The following AGBL1 variants were observed in gnomAD, a reference collection of about 807,000 sequenced individuals.
The protein encoded by AGBL1 is cytosolic carboxypeptidase 4.
Under a neutral mutation model 118.9 loss-of-function variants are expected in AGBL1, and 130 were observed. The ratio of observed to expected loss-of-function variants is 1.09; its 90% confidence interval spans 0.95 to 1.26. The LOEUF is 1.26. AGBL1 is among the 50% of genes most tolerant of loss of function. The pLI is 0.00. For synonymous variants in AGBL1, 555 were observed against 478.9 expected, an observed-to-expected ratio of 1.16 and a Z score of -2.08; for missense variants, 1,584 against 1,298.1, an observed-to-expected ratio of 1.22 and a Z score of -3.38.
chr15:86,277,926 A>T (rs1193265565), intron 15 of AGBL1, among the ~76,000 whole-genome samples: 1 of 152,202 alleles, frequency 6.6e-6, no homozygotes, highest in Admixed American at 6.5e-5. Context: ...ATTTTATTTC[A>T]ACTGCTGTTT....
intron 22 of AGBL1, among the ~76,000 whole-genome samples, chr15:86,747,618 T>A (rs189274637): frequency 1.6e-3 from 248 of 152,222 alleles, no homozygotes; most frequent in African/African-American, 5.4e-3. Flanking sequence ...CCTAATGCTT[T>A]CCCTCCCTCC....
chr15:86,331,057 C>T (rs769283583), intron 17 of AGBL1, among the ~76,000 whole-genome samples: 3 of 151,950 alleles, frequency 2.0e-5, no homozygotes, highest in Non-Finnish European at 2.9e-5. Context: ...AACCCTGTCT[C>T]TAGTAAAAAT....
At chr15:86,999,107 T>C (rs2081408328) in intron 24 of AGBL1, among the ~76,000 whole-genome samples, 1 of 151,050 alleles carries the variant, frequency 6.6e-6, no homozygotes, top group South Asian at 2.1e-4. Context: ...CATGCAGTGT[T>C]TGTTTTTTCG....
rs67883935 is a variant in AGBL1 at position 86,410,841 on chromosome 15, T to TATATAA, written c.2555+13296_2555+13297insTATAAA. 8.4e-3 allele frequency among the ~76,000 whole-genome samples: 540 copies of TATATAA among 64,462 alleles called. 23 individuals carry two copies. The highest frequency in any genetic ancestry group is 0.034 in the African/African-American group (515 of 14,964). 42.3% of individuals were successfully genotyped at this position (64,462 alleles called of 152,430 possible). A position where few individuals can be genotyped will look rare whatever the true frequency, so the allele number is the denominator to read the frequency against. On this transcript the variant is annotated intron_variant, in intron 18 of 22. Transcript: ENST00000614907. ...ATATATATATATATATATATATATA[T>TATATAA]AATATACTATTTTATATATAAAATA...
intron 5 of AGBL1, among the ~76,000 whole-genome samples, chr15:86,167,271 A>C (rs552933604): frequency 1.1e-4 from 16 of 150,650 alleles, no homozygotes; most frequent in African/African-American, 3.4e-4. Flanking sequence ...TTTGAGATCA[A>C]GTCTCACTCC....
At chr15:86,430,042 C>G (rs973099592) in intron 18 of AGBL1, among the ~76,000 whole-genome samples, 1 of 152,108 alleles carries the variant, frequency 6.6e-6, no homozygotes, top group African/African-American at 2.4e-5. Context: ...CTTTGAATTT[C>G]GAAGACATTG....
intron 6 of AGBL1, among the ~76,000 whole-genome samples, chr15:86,228,166 C>T (rs989274536): frequency 1.3e-5 from 2 of 152,140 alleles, no homozygotes; most frequent in Non-Finnish European, 2.9e-5. Flanking sequence ...TTTACATTGC[C>T]TATATGTCAT....
intron 21 of AGBL1, among the ~76,000 whole-genome samples, chr15:86,657,988 G>T (rs1408921211): frequency 2.6e-5 from 4 of 151,766 alleles, no homozygotes; most frequent in Non-Finnish European, 5.9e-5. Context: ...TAGGACTGTT[G>T]TAAGAGTTAA....
chr15:86,570,655 T>A (rs963767750), intron 21 of AGBL1, among the ~76,000 whole-genome samples: 4 of 152,190 alleles, frequency 2.6e-5, no homozygotes, highest in Non-Finnish European at 5.9e-5. Flanking sequence ...TTGGATCTAG[T>A]CGGTCTTAGC....
At chr15:86,107,977 A>T (rs1279044611) in intron 1 of AGBL1, among the ~76,000 whole-genome samples, 1 of 152,192 alleles carries the variant, frequency 6.6e-6, no homozygotes, top group Non-Finnish European at 1.5e-5. Flanking sequence ...CAACCAATTC[A>T]TGCATAGGGA....
intron 1 of AGBL1, among the ~76,000 whole-genome samples, chr15:86,119,138 C>T (rs955078329): frequency 2.0e-5 from 3 of 152,184 alleles, no homozygotes; most frequent in African/African-American, 7.2e-5. Flanking sequence ...AAGCCTACTT[C>T]TGAATTTCAA....
intron 21 of AGBL1, among the ~76,000 whole-genome samples, chr15:86,573,294 A>G (rs2084036307): frequency 2.6e-5 from 4 of 152,244 alleles, no homozygotes. Context: ...AGTGCCAAGA[A>G]TATGACAGGG....
At chr15:86,377,727 C>A (rs1428587541) in intron 17 of AGBL1, among the ~76,000 whole-genome samples, 1 of 152,136 alleles carries the variant, frequency 6.6e-6, no homozygotes, top group Non-Finnish European at 1.5e-5. Flanking sequence ...CAGGTGGGGG[C>A]TGCCATGCTC....
At chr15:86,471,543 A>G (rs944376491) in intron 18 of AGBL1, among the ~76,000 whole-genome samples, 1 of 150,400 alleles carries the variant, frequency 6.6e-6, no homozygotes, top group African/African-American at 2.4e-5. Context: ...CTTTGCTATC[A>G]GATCAACACT....
At chr15:86,805,852 A>G (rs2078707735) in intron 22 of AGBL1, among the ~76,000 whole-genome samples, 1 of 152,196 alleles carries the variant, frequency 6.6e-6, no homozygotes, top group Non-Finnish European at 1.5e-5. Context: ...CGTACTATGA[A>G]TAAGTCCTAA....
intron 18 of AGBL1, among the ~76,000 whole-genome samples, chr15:86,411,354 A>G (rs2081616989): frequency 6.6e-6 from 1 of 152,088 alleles, no homozygotes; most frequent in Non-Finnish European, 1.5e-5. Flanking sequence ...ACCAGAAGGA[A>G]TTGCACCTCG....
chr15:86,522,701 G>A, intron 18 of AGBL1, 109 bp from the exon 19 acceptor site: 1 of 1,361,068 alleles, frequency 7.3e-7, no homozygotes. Context: ...GAAGAAATCA[G>A]AGGAAAGTTT....
In AGBL1 at chr15:86,642,518, T is replaced by C. The variant is rs1181064658; in HGVS notation, c.2995-31755T>C. On this transcript the variant is annotated intron_variant, in intron 21 of 22. Coordinates refer to ENST00000614907, the MANE Select transcript of AGBL1 (RefSeq NM_001386094.1). The stretch of plus-strand genomic sequence containing the variant: ...GTGAATTCTTTTAAAAAAAATTGTG[T>C]TAAAGAGTATTCATATTTCTAATTT... Among the ~76,000 whole-genome samples the C allele has an allele frequency of 2.6e-5, 4 of 152,230 alleles. No homozygotes were observed. The South Asian group carries it at 8.3e-4, about 32-fold the overall frequency.
chr15:86,886,169 A>G (rs571566676), intron 22 of AGBL1, among the ~76,000 whole-genome samples: 2 of 152,372 alleles, frequency 1.3e-5, no homozygotes, highest in Middle Eastern at 6.8e-3. Context: ...TGAAGTAAGA[A>G]GCAAAATAAA....
Sources: gnomAD v4.1 joint callset for allele counts (sites outside exome capture counted in the v4.1 genomes callset) on GRCh38, gnomAD v4.1.1 for gene constraint, MANE v1.5 for transcripts, NCBI Gene and HGNC (gene_info 2026-07-23, HGNC 2026-07-21) for gene names.